SPTBN4: variants seen among roughly 807,000 people sequenced by gnomAD.
SPTBN4 encodes spectrin beta chain, non-erythrocytic 4.
Under a neutral mutation model 277.8 loss-of-function variants are expected in SPTBN4, and 96 were observed. The observed-to-expected ratio is 0.35, with a 90% CI of 0.29 to 0.41. The LOEUF is 0.41. Among genes scored for constraint, SPTBN4 ranks in the 10% least tolerant of loss-of-function variants. The pLI is 1.00. For synonymous variants in SPTBN4, 1,481 were observed against 1,580.3 expected, an observed-to-expected ratio of 0.94 and a Z score of 1.49; for missense variants, 3,006 against 3,595.7, an observed-to-expected ratio of 0.84 and a Z score of 4.19.
rs537974080 is a variant in SPTBN4, at chr19:40,556,005, G to A, written c.5085-79G>A. On this transcript the variant is annotated intron_variant, in intron 24 of 35. Coordinates refer to ENST00000598249, the MANE Select transcript of SPTBN4 (RefSeq NM_020971.3). The stretch of plus-strand genomic sequence containing the variant: ...TTCCAAGGAAACACAGCCCTGTCCT[G>A]GGGAGGGGGTTTAGGGGGGTCACGC... The A allele has an allele frequency of 1.8e-4, 237 of 1,292,920 alleles. No homozygotes were observed. The African/African-American group carries it at 3.2e-3, about 17-fold the overall frequency. 80.1% of individuals were successfully genotyped at this position (1,292,920 alleles called of 1,614,324 possible).
At chr19:40,529,164 A>G (rs1261781716) in intron 18 of SPTBN4, 33 bp downstream of exon 18, 1 of 1,582,118 alleles carries the variant, frequency 6.3e-7, no homozygotes, top group South Asian at 1.1e-5. Flanking sequence ...GGACGGAGAC[A>G]TCCCCTTTAG....
intron 5 of SPTBN4, 51 bp from the exon 6 acceptor site, chr19:40,494,846 C>G (rs1401910007): frequency 6.5e-7 from 1 of 1,546,750 alleles, no homozygotes; most frequent in Non-Finnish European, 8.9e-7. Flanking sequence ...CCCCTTTCTT[C>G]CCTCCTAACT....
chr19:40,572,137 G>A lies in SPTBN4; in HGVS notation c.7438G>A (p.Ala2480Thr), dbSNP rs2081161546. 1 of 1,611,180 alleles carries A rather than the reference G, an allele frequency of 6.2e-7. No individual in the cohort carries two copies. Among genetic ancestry groups the A allele is most frequent in the African/African-American group, 1.3e-5 (1 of 74,960 alleles). ...GGEPLLSLHK[A>T]TSEVASDYKK... ...GGAACCGCTGCTCAGCCTGCACAAG[G>A]CCACCAGCGAGGTGGCTAGTGACTA... The change falls in exon 34 of 36, where the codon GCC becomes ACC. Residue 2480 changes from alanine to threonine, a missense_variant. Ala to Thr is a moderately conservative substitution (Grantham distance 58). Coordinates refer to ENST00000598249, the MANE Select transcript of SPTBN4 (RefSeq NM_020971.3).
Position 40,471,666 on chromosome 19 carries a change from G to A in SPTBN4, c.-15-941G>A, listed in dbSNP as rs559186943. The stretch of plus-strand genomic sequence containing the variant: ...TAGATCACTGTAGCCTTGGCTTCTT[G>A]GGCTCAAGCCATCTTCCTGCCTCAG... On this transcript the variant is annotated intron_variant, in intron 1 of 35. Coordinates refer to ENST00000598249, the MANE Select transcript of SPTBN4 (RefSeq NM_020971.3). 3.9e-5 allele frequency among the ~76,000 whole-genome samples: 6 copies of A among 152,184 alleles called. No homozygotes were observed. In the East Asian group the frequency reaches 1.2e-3, roughly 29 times the overall value.
Position 40,502,324 on chromosome 19 carries a change from C to T in SPTBN4, c.1085+9C>T. 1 of 1,611,906 alleles carries T rather than the reference C, an allele frequency of 6.2e-7. No individual in the cohort carries two copies. Among genetic ancestry groups the T allele is most frequent in the Non-Finnish European group, 8.5e-7 (1 of 1,178,980 alleles). The stretch of plus-strand genomic sequence containing the variant: ...CTGGAGAAGCCTGTCAAGTGAGGCC[C>T]AGCTCTGGAGGGAGGGTGGGCAGGG... On this transcript the variant is annotated intron_variant, in intron 9 of 35. Transcript: ENST00000598249. The surrounding 1 kb of genome is among the most constrained non-coding windows in gnomAD (Gnocchi z 4.9).
intron 2 of SPTBN4, among the ~76,000 whole-genome samples, chr19:40,477,205 A>T (rs2079959095): frequency 6.6e-6 from 1 of 151,822 alleles, no homozygotes; most frequent in Admixed American, 6.6e-5. Context: ...ATGCCCAGCT[A>T]ATTTTCTTAT....
In SPTBN4 at chr19:40,519,755, A is replaced by G; in HGVS notation, c.3258A>G (p.Ala1086=). The part of the protein sequence containing the change: ...AAQACGEAVA[A]AGRLQRFLHD... ...AGGCCTGCGGCGAGGCGGTGGCGGC[A>G]GCAGGGCGCCTGCAGCGCTTCCTAC... Residue 1086 remains alanine (A), a synonymous_variant, in exon 16 of 36, where the codon GCA becomes GCG. Transcript: ENST00000598249. The surrounding 1 kb of genome is among the most constrained non-coding windows in gnomAD (Gnocchi z 5.7). 1 of 1,404,118 alleles carries G rather than the reference A, an allele frequency of 7.1e-7. No homozygotes were observed. Among genetic ancestry groups the G allele is most frequent in the Non-Finnish European group, 9.2e-7 (1 of 1,091,542 alleles). 87.0% of individuals were successfully genotyped at this position (1,404,118 alleles called of 1,614,324 possible). A position where few individuals can be genotyped will look rare whatever the true frequency, so the allele number is the denominator to read the frequency against.
chr19:40,537,858 G>A (rs2080756052), intron 20 of SPTBN4, among the ~76,000 whole-genome samples: 1 of 152,194 alleles, frequency 6.6e-6, no homozygotes, highest in Admixed American at 6.5e-5. Flanking sequence ...CTGCAAGAAA[G>A]GGGCATCTGA....
chr19:40,528,975 T>C (rs2080627851), intron 17 of SPTBN4, 66 bp from the exon 18 acceptor site: 6 of 1,255,870 alleles, frequency 4.8e-6, no homozygotes, highest in Admixed American at 3.4e-5. Flanking sequence ...GCCCTCACAG[T>C]CCTACTGCCA....
rs1178907309 is a variant in SPTBN4, at chr19:40,515,954, CAT to C, written c.2903+512_2903+513del. Among the ~76,000 whole-genome samples, 4 of 146,506 alleles carry C rather than the reference CAT, an allele frequency of 2.7e-5. No individual in the cohort carries two copies. Among genetic ancestry groups the C allele is most frequent in the African/African-American group, 5.1e-5 (2 of 39,222 alleles). Reference sequence around the variant, plus strand: ...ACACACATATATACGTATATATACACATATATACGTATATATACACATATATA... The same window carrying C: ...ACACACATATATACGTATATATACACATATACGTATATATACACATATATA... On this transcript the variant is annotated intron_variant, in intron 15 of 35. Transcript: ENST00000598249. The surrounding 1 kb of genome is among the most constrained non-coding windows in gnomAD (Gnocchi z 4.1).
At chr19:40,556,554 G>A (rs2080981166) in intron 25 of SPTBN4, among the ~76,000 whole-genome samples, 2 of 151,694 alleles carry the variant, frequency 1.3e-5, no homozygotes, top group Non-Finnish European at 2.9e-5. Flanking sequence ...ATTCTTGCCA[G>A]GTGTTCAGTA....
In SPTBN4 at chr19:40,521,709, C is replaced by T. The variant is rs551355693; in HGVS notation, c.3654+1558C>T. Among the ~76,000 whole-genome samples, 38 of 152,288 alleles carry T rather than the reference C, an allele frequency of 2.5e-4. No homozygotes were observed. The South Asian group carries it at 6.8e-3, about 27-fold the overall frequency. On this transcript the variant is annotated intron_variant, in intron 16 of 35. Transcript: ENST00000598249. ...ACTAGTACCCCTCTGTGGCCCAGGGCTTGGGAAATCCTGATCTAGGGAGTG... is the reference window on the plus strand; with the variant it reads ...ACTAGTACCCCTCTGTGGCCCAGGGTTTGGGAAATCCTGATCTAGGGAGTG...
At chr19:40,468,480 G>A (rs1001775303) in intron 1 of SPTBN4, among the ~76,000 whole-genome samples, 1 of 148,074 alleles carries the variant, frequency 6.8e-6, no homozygotes, top group East Asian at 2.0e-4. Context: ...AGGTTCAAGC[G>A]ATTCTCCTGC....
chr19:40,511,173 A>AG (rs1340502440), intron 13 of SPTBN4, among the ~76,000 whole-genome samples: 9 of 152,152 alleles, frequency 5.9e-5, no homozygotes, highest in African/African-American at 1.4e-4. Flanking sequence ...TAGGAGGCTG[A>AG]GGGGGGCGGA....
At chr19:40,479,851 G>C (rs114974165) in intron 2 of SPTBN4, among the ~76,000 whole-genome samples, 1 of 151,118 alleles carries the variant, frequency 6.6e-6, no homozygotes, top group East Asian at 1.9e-4. Flanking sequence ...CCTGTAATCC[G>C]AGTGCGTTGG....
rs777068886 is a variant in SPTBN4, at chr19:40,568,198, G to A, written c.6872G>A (p.Arg2291Gln). 8.1e-6 allele frequency: 13 copies of A among 1,597,082 alleles called. No homozygotes were observed. Among genetic ancestry groups the A allele is most frequent in the Non-Finnish European group, 1.1e-5 (13 of 1,172,290 alleles). The change falls in exon 31 of 36, where the codon CGG becomes CAG. Residue 2291 changes from arginine to glutamine, a missense_variant. Physicochemically the swap from Arg to Gln is conservative, Grantham distance 43. Coordinates refer to ENST00000598249, the MANE Select transcript of SPTBN4 (RefSeq NM_020971.3). Reference sequence around the variant, plus strand: ...CTGGGCCGCTATGAGCAGATGGAGCGGCGGCGCGAGCGGCGTGAGCGGCGC... The same window carrying A: ...CTGGGCCGCTATGAGCAGATGGAGCAGCGGCGCGAGCGGCGTGAGCGGCGC... Reference protein sequence around the residue: ...LTLGRYEQMERRRERRERRLE... With the variant: ...LTLGRYEQMEQRRERRERRLE...
chr19:40,483,127 G>A (rs914459285), intron 2 of SPTBN4, among the ~76,000 whole-genome samples: 10 of 151,548 alleles, frequency 6.6e-5, no homozygotes, highest in African/African-American at 9.7e-5. Flanking sequence ...CTCTTTTTGC[G>A]AATGTGAAAA....
chr19:40,499,715 GA>G (rs2080242683), intron 7 of SPTBN4, among the ~76,000 whole-genome samples: 1 of 152,054 alleles, frequency 6.6e-6, no homozygotes, highest in South Asian at 2.1e-4. Context: ...CTTCCAAAGT[GA>G]TGAGAATGAC....
intron 29 of SPTBN4, 140 bp downstream of exon 29, chr19:40,565,885 G>A (rs1455842154): frequency 9.2e-6 from 9 of 982,182 alleles, no homozygotes; most frequent in African/African-American, 1.6e-5. Context: ...GGCCTGGAAG[G>A]GTGGACAAGG....
Sources: allele counts gnomAD v4.1 joint callset (sites outside exome capture counted in the v4.1 genomes callset), GRCh38; gene constraint gnomAD v4.1.1; non-coding constraint Gnocchi (gnomAD v3.1); transcripts MANE v1.5; gene names NCBI Gene and HGNC (gene_info 2026-07-23, HGNC 2026-07-21).